Variants in GMDS observed in about 807,000 individuals in gnomAD.
GMDS encodes GDP-mannose 4,6 dehydratase.
Under a neutral mutation model 49.9 loss-of-function variants are expected in GMDS, and 20 were observed. The observed-to-expected ratio is 0.40, with a 90% CI of 0.28 to 0.58. GMDS has a LOEUF of 0.58. GMDS is among the 20% of genes least tolerant of loss of function. GMDS has a pLI of 0.42. For synonymous variants in GMDS, 177 were observed against 178.6 expected (o/e 0.99, Z 0.07); for missense variants, 362 against 481.4 (o/e 0.75, Z 2.32).
intron 2 of GMDS, among the ~76,000 whole-genome samples, chr6:2,124,137 AT>A (rs1775290402): frequency 6.6e-6 from 1 of 152,282 alleles, no homozygotes. Flanking sequence ...GCACATCAAA[AT>A]TAATATATAA....
chr6:1,810,987 G>GA (rs1554122180), intron 7 of GMDS, among the ~76,000 whole-genome samples: 1 of 149,482 alleles, frequency 6.7e-6, no homozygotes, highest in Non-Finnish European at 1.5e-5. Context: ...TTTTCTCCTA[G>GA]TTTTTTTTTT....
At chr6:1,812,984 A>G (rs1273441609) in intron 7 of GMDS, among the ~76,000 whole-genome samples, 2 of 152,140 alleles carry the variant, frequency 1.3e-5, no homozygotes, top group African/African-American at 4.8e-5. Flanking sequence ...GAACTTCGGG[A>G]GACCAAGGCA....
At chr6:1,667,040 C>A (rs974262132) in intron 9 of GMDS, among the ~76,000 whole-genome samples, 3 of 152,214 alleles carry the variant, frequency 2.0e-5, no homozygotes, top group Non-Finnish European at 2.9e-5. Flanking sequence ...GGAGGCCTAG[C>A]GTGCAGACAC....
intron 4 of GMDS, among the ~76,000 whole-genome samples, chr6:2,089,492 A>C (rs1416762821): frequency 6.6e-6 from 1 of 152,174 alleles, no homozygotes; most frequent in Non-Finnish European, 1.5e-5. Context: ...AGAAGGGAGA[A>C]TAGATAATAA....
chr6:1,941,935 A>G (rs1050757879), intron 6 of GMDS, among the ~76,000 whole-genome samples: 1 of 151,984 alleles, frequency 6.6e-6, no homozygotes, highest in South Asian at 2.1e-4. Context: ...ACACGACTCA[A>G]CCCCGCCTCG....
chr6:1,759,223 G>A (rs1410499605), intron 7 of GMDS, among the ~76,000 whole-genome samples: 1 of 152,192 alleles, frequency 6.6e-6, no homozygotes, highest in Non-Finnish European at 1.5e-5. Context: ...GACTGATAGG[G>A]TGGAGTGAAT....
chr6:2,168,888 G>A (rs1288973210), intron 1 of GMDS, among the ~76,000 whole-genome samples: 1 of 151,930 alleles, frequency 6.6e-6, no homozygotes, highest in East Asian at 1.9e-4. Context: ...AGCCAACAAA[G>A]AACAAAAAAC....
At chr6:2,202,085 G>A (rs1045444531) in intron 1 of GMDS, among the ~76,000 whole-genome samples, 22 of 145,074 alleles carry the variant, frequency 1.5e-4, no homozygotes, top group Non-Finnish European at 2.7e-4. Flanking sequence ...GATGAAGAGA[G>A]AGCACCACAT....
chr6:2,145,538 A>AAAATAAATAAATAAATAAAT lies in GMDS; in HGVS notation c.103-20827_103-20808dup, dbSNP rs36139025. On this transcript the variant is annotated intron_variant, in intron 1 of 10. Coordinates refer to ENST00000380815, the MANE Select transcript of GMDS (RefSeq NM_001500.4). ...GGGCGACAGAGTGAGACTCTGTCTC[A>AAAATAAATAAATAAATAAAT]AAATAAATAAATAAATAAATAAATA... Among the ~76,000 whole-genome samples, 741 of 148,460 alleles carry AAAATAAATAAATAAATAAAT rather than the reference A, an allele frequency of 5.0e-3. 3 individuals are homozygous for AAAATAAATAAATAAATAAAT. The highest frequency in any genetic ancestry group is 0.014 in the Middle Eastern group (4 of 292).
Position 2,236,948 on chromosome 6 carries a change from TA to T in GMDS, c.102+8372del, listed in dbSNP as rs3839614. 2.0e-4 allele frequency among the ~76,000 whole-genome samples: 30 copies of T among 152,328 alleles called. No homozygotes were observed. In the East Asian group the frequency reaches 4.6e-3, roughly 23 times the overall value. The stretch of plus-strand genomic sequence containing the variant: ...TAAAGAAATACTTTCTATAAATCCC[TA>T]GTAAATACCTTTATTTTTTCACTCT... On this transcript the variant is annotated intron_variant, in intron 1 of 10. Coordinates refer to ENST00000380815, the MANE Select transcript of GMDS (RefSeq NM_001500.4).
rs995625299 is a variant in GMDS, at chr6:1,778,765, C to T, written c.772-36179G>A. ...CGTTTGCAGCTCAGACCTCAAAGCT[C>T]GTCGACAGCAGCAGCCTGACCAGTG... On this transcript the variant is annotated intron_variant, in intron 7 of 10. Transcript: ENST00000380815. This position sits in a 1 kb window ranked among gnomAD's most constrained non-coding sequence, Gnocchi z 4.6. Among the ~76,000 whole-genome samples, 2 of 152,172 alleles carry T rather than the reference C, an allele frequency of 1.3e-5. No individual in the cohort carries two copies. Among genetic ancestry groups the T allele is most frequent in the Non-Finnish European group, 2.9e-5 (2 of 68,018 alleles).
At chr6:2,184,016 T>C (rs976255745) in intron 1 of GMDS, among the ~76,000 whole-genome samples, 9 of 152,248 alleles carry the variant, frequency 5.9e-5, no homozygotes, top group Admixed American at 5.9e-4. Flanking sequence ...ATATAACTTG[T>C]ATATGCATAA....
chr6:2,018,466 C>G (rs1204544649), intron 4 of GMDS, among the ~76,000 whole-genome samples: 1 of 152,156 alleles, frequency 6.6e-6, no homozygotes, highest in East Asian at 1.9e-4. Flanking sequence ...CAAAAGAAAC[C>G]TTACACCCCT....
intron 9 of GMDS, among the ~76,000 whole-genome samples, chr6:1,668,394 A>T (rs1764301534): frequency 6.6e-6 from 1 of 152,258 alleles, no homozygotes; most frequent in Non-Finnish European, 1.5e-5. Context: ...TATAAAAATT[A>T]GGTAGAAAAT....
chr6:1,927,618 C>T (rs1458049449), intron 7 of GMDS, among the ~76,000 whole-genome samples: 2 of 152,218 alleles, frequency 1.3e-5, no homozygotes, highest in Admixed American at 1.3e-4. Context: ...ATGTGGACTA[C>T]ACTCGCAGCA....
At chr6:1,717,553 A>G (rs6940556) in intron 9 of GMDS, 117,406 of 152,118 alleles carry the variant, frequency 0.77, 45,516 homozygotes, top group East Asian at 1. Flanking sequence ...GCATATCCCT[A>G]CCTTCCACCA....
At chr6:1,949,035 G>A (rs1763216843) in intron 6 of GMDS, 1 of 967,714 alleles carries the variant, frequency 1.0e-6, no homozygotes, top group Non-Finnish European at 1.2e-6. Context: ...CACTAACAGA[G>A]CTGCCTCCAA....
At chr6:1,979,759 T>C (rs907928605) in intron 4 of GMDS, among the ~76,000 whole-genome samples, 4 of 151,670 alleles carry the variant, frequency 2.6e-5, no homozygotes, top group African/African-American at 9.7e-5. Flanking sequence ...TTCTCCAAGG[T>C]CGAAATAAAA....
chr6:1,752,958 A>G (rs952867954), intron 7 of GMDS, among the ~76,000 whole-genome samples: 1 of 152,254 alleles, frequency 6.6e-6, no homozygotes, highest in African/African-American at 2.4e-5. Context: ...CATCAACACT[A>G]TGAAGAAACT....
Sources: gnomAD v4.1 joint callset for allele counts (sites outside exome capture counted in the v4.1 genomes callset) on GRCh38, gnomAD v4.1.1 for gene constraint, Gnocchi (gnomAD v3.1) non-coding constraint, MANE v1.5 for transcripts, NCBI Gene and HGNC (gene_info 2026-07-23, HGNC 2026-07-21) for gene names.